Variants in WDR35 observed in about 807,000 individuals in gnomAD.
WDR35 encodes WD repeat-containing protein 35.
A neutral mutation model predicts 158.3 loss-of-function variants in WDR35; 118 were observed. The ratio of observed to expected loss-of-function variants is 0.75; its 90% confidence interval spans 0.64 to 0.87. The LOEUF is 0.87. Ranked by LOEUF, WDR35 falls within the 40% of genes least tolerant of loss-of-function variation. The pLI, the probability that WDR35 is intolerant of heterozygous loss-of-function variation, is 0.00. For missense variants in WDR35, 1,263 were observed against 1,405.8 expected (o/e 0.90, Z 1.62); for synonymous variants, 448 against 476.1 (o/e 0.94, Z 0.77).
intron 4 of WDR35, among the ~76,000 whole-genome samples, chr2:19,980,284 C>T (rs1197577608): frequency 3.9e-5 from 6 of 152,110 alleles, no homozygotes; most frequent in Non-Finnish European, 8.8e-5. Context: ...GTCATTTCCC[C>T]TTTCCCCTCA....
rs924973908 is a variant in WDR35 at position 19,946,551 on chromosome 2, A to G, written c.1544T>C (p.Ile515Thr). 2 of 1,613,570 alleles carry G rather than the reference A, an allele frequency of 1.2e-6. No individual in the cohort carries two copies. The highest frequency in any genetic ancestry group is 1.7e-6 in the Non-Finnish European group (2 of 1,179,650). ...AACATTAGGTAGACTGTATCTCTGAATGGTGCCAGATTCACGACCCTATGG... is the reference window on the plus strand; with the variant it reads ...AACATTAGGTAGACTGTATCTCTGAGTGGTGCCAGATTCACGACCCTATGG... The part of the protein sequence containing the change: ...ILIVGRESGT[I>T]QRYSLPNVGL... Residue 515 changes from isoleucine to threonine, a missense_variant, in exon 15 of 27, where the codon ATT becomes ACT. Coordinates refer to ENST00000281405, the MANE Select transcript of WDR35 (RefSeq NM_020779.4).
chr2:19,953,803 G>A (rs1216166317), intron 12 of WDR35, 31 bp downstream of exon 12: 6 of 1,613,422 alleles, frequency 3.7e-6, no homozygotes, highest in Admixed American at 3.3e-5. Context: ...ATATGGTTGA[G>A]CTACTAAAAA....
chr2:19,929,484 C>A (rs1449828753), intron 25 of WDR35, among the ~76,000 whole-genome samples: 4 of 152,046 alleles, frequency 2.6e-5, no homozygotes, highest in Non-Finnish European at 5.9e-5. Flanking sequence ...AGCTGAAAGA[C>A]CAGTAATGAT....
At chr2:19,929,805 T>C (rs916869834) in intron 25 of WDR35, among the ~76,000 whole-genome samples, 2 of 152,152 alleles carry the variant, frequency 1.3e-5, no homozygotes, top group South Asian at 2.1e-4. Context: ...CTCTGAGTTA[T>C]AGGATTATTT....
chr2:19,982,465 C>T lies in WDR35; in HGVS notation c.212G>A (p.Ser71Asn), dbSNP rs1672412754. 6.2e-7 allele frequency: 1 copy of T among 1,613,648 alleles called. No homozygotes were observed. Among genetic ancestry groups the T allele is most frequent in the Non-Finnish European group, 8.5e-7 (1 of 1,179,780 alleles). Residue 71 changes from serine (S) to asparagine (N), a missense_variant and splice_region_variant, in exon 3 of 27, where the codon AGT becomes AAT. By Grantham distance (46) the Ser-to-Asn change is conservative. Coordinates refer to ENST00000281405, the MANE Select transcript of WDR35 (RefSeq NM_020779.4). ...TTAAAAGAAATTGAATGACTCACCA[C>T]TATGACCTTCAAGAGTCTGATTCAT... Reference protein sequence around the residue: ...LSMNQTLEGHSGSVQVVTWNE... With the variant: ...LSMNQTLEGHNGSVQVVTWNE...
chr2:19,931,219 T>C (rs757933403), intron 24 of WDR35, 50 bp downstream of exon 24: 10 of 1,579,016 alleles, frequency 6.3e-6, no homozygotes, highest in South Asian at 1.2e-5. Flanking sequence ...CTTTTTTTTT[T>C]TTTCTTAAAC....
At position 19,936,385 on chromosome 2, in the gene WDR35, T is replaced by C. The variant is rs1670698024; in HGVS notation, c.2268-20A>G. The C allele has an allele frequency of 6.2e-7, 1 of 1,613,648 alleles. No individual in the cohort carries two copies. ...AGATCCCTACAAACAAAGGCATTCA[T>C]TCATTCATTCATCTATTTGACAAAT... On this transcript the variant is annotated intron_variant, in intron 19 of 26. Coordinates refer to ENST00000281405, the MANE Select transcript of WDR35 (RefSeq NM_020779.4).
In WDR35 at chr2:19,946,446, A is replaced by T. The variant is rs1671055882; in HGVS notation, c.1634+15T>A. 1 of 1,600,140 alleles carries T rather than the reference A, an allele frequency of 6.2e-7. No individual in the cohort carries two copies. The highest frequency in any genetic ancestry group is 1.3e-5 in the African/African-American group (1 of 74,582). Reference sequence around the variant, plus strand: ...CTAAGTCTAACATCTACATGAGCAGAGTTTTCAGGCTTACCTAGAGTTGCA... The same window carrying T: ...CTAAGTCTAACATCTACATGAGCAGTGTTTTCAGGCTTACCTAGAGTTGCA... On this transcript the variant is annotated intron_variant, in intron 15 of 26. Coordinates refer to ENST00000281405, the MANE Select transcript of WDR35 (RefSeq NM_020779.4).
intron 2 of WDR35, 83 bp downstream of exon 2, chr2:19,989,082 T>C (rs989903408): frequency 3.4e-6 from 4 of 1,187,276 alleles, no homozygotes; most frequent in East Asian, 2.3e-5. Context: ...GAACTGCATA[T>C]TGACAGATAA....
chr2:19,965,088 T>A (rs113715587), intron 10 of WDR35, among the ~76,000 whole-genome samples: 268 of 152,122 alleles, frequency 1.8e-3, no homozygotes, highest in African/African-American at 6.1e-3. Context: ...CATGCCCAGC[T>A]AATTTTGTAT....
rs1172732078 is a variant in WDR35, at chr2:19,956,543, T to G, written c.1256-2565A>C. ...GAGCTGTTTGAAAGTTTAAGAGAGA[T>G]AACAATATAAATATAAATACAATAT... On this transcript the variant is annotated intron_variant, in intron 11 of 26. Coordinates refer to ENST00000281405, the MANE Select transcript of WDR35 (RefSeq NM_020779.4). Among the ~76,000 whole-genome samples, 3 of 151,396 alleles carry G rather than the reference T, an allele frequency of 2.0e-5. No individual in the cohort carries two copies. In the East Asian group the frequency reaches 5.8e-4, roughly 29 times the overall value.
At chr2:19,920,635 C>A (rs189685509) in intron 25 of WDR35, among the ~76,000 whole-genome samples, 188 of 152,286 alleles carry the variant, frequency 1.2e-3, no homozygotes, top group African/African-American at 4.4e-3. Context: ...ACTGAATGGG[C>A]ATAACCTGGA....
At chr2:19,938,725 T>A (rs1381846460) in intron 17 of WDR35, among the ~76,000 whole-genome samples, 1 of 152,164 alleles carries the variant, frequency 6.6e-6, no homozygotes, top group Admixed American at 6.5e-5. Flanking sequence ...AGATAACATG[T>A]CTCAAAGATT....
At chr2:19,964,381 C>CTTTTTTTTTTTTTTTT (rs558586617) in intron 10 of WDR35, among the ~76,000 whole-genome samples, 28 of 113,420 alleles carry the variant, frequency 2.5e-4, no homozygotes, top group South Asian at 5.4e-4. Context: ...CTTTTCTTTT[C>CTTTTTTTTTTTTTTTT]TTTTTTTTTT....
chr2:19,921,729 G>A (rs1284861131), intron 25 of WDR35, among the ~76,000 whole-genome samples: 2 of 152,100 alleles, frequency 1.3e-5, no homozygotes, highest in African/African-American at 4.8e-5. Flanking sequence ...TAGAAAAATG[G>A]GATCTGATTA....
At chr2:19,982,605 T>C (rs1672419984) in intron 2 of WDR35, 71 bp from the exon 3 acceptor site, 4 of 1,496,402 alleles carry the variant, frequency 2.7e-6, no homozygotes, top group South Asian at 2.4e-5. Context: ...TTGACTCTTT[T>C]TGTATTCCTG....
intron 10 of WDR35, among the ~76,000 whole-genome samples, chr2:19,964,519 G>C (rs1475383092): frequency 7.9e-5 from 12 of 151,494 alleles, no homozygotes; most frequent in Non-Finnish European, 1.2e-4. Context: ...GAGTAGCTGG[G>C]ACTACAGGCA....
In WDR35 at chr2:19,912,666, A is replaced by G. The variant is rs1177762411; in HGVS notation, c.*892T>C. 6.6e-6 allele frequency: 1 copy of G among 152,230 alleles called. No homozygotes were observed. The highest frequency in any genetic ancestry group is 2.4e-5 in the African/African-American group (1 of 41,450). The allele number at this position is 152,230 out of a possible 1,614,324, so 9.4% of individuals were successfully genotyped here. A position where few individuals can be genotyped will look rare whatever the true frequency, so the allele number is the denominator to read the frequency against. On this transcript the variant is annotated 3_prime_UTR_variant, in exon 27 of 27. Transcript: ENST00000281405. The stretch of plus-strand genomic sequence containing the variant: ...ACAAAATGGGAATTCATGAGAAATA[A>G]ACAGAGAACATTATTAGCTATGTAA...
chr2:19,987,717 G>A (rs1672613189), intron 2 of WDR35, among the ~76,000 whole-genome samples: 1 of 151,386 alleles, frequency 6.6e-6, no homozygotes, highest in African/African-American at 2.4e-5. Context: ...CCAGCTACTT[G>A]GGAGGCTGAG....
Sources: gnomAD v4.1 joint callset for allele counts (sites outside exome capture counted in the v4.1 genomes callset) on GRCh38, gnomAD v4.1.1 for gene constraint, MANE v1.5 for transcripts, NCBI Gene and HGNC (gene_info 2026-07-23, HGNC 2026-07-21) for gene names.